Variants in FRMPD3 observed in about 807,000 individuals in gnomAD.
The protein encoded by FRMPD3 is FERM and PDZ domain-containing protein 3.
A neutral mutation model predicts 97.9 loss-of-function variants in FRMPD3; 42 were observed. The ratio of observed to expected loss-of-function variants is 0.43; its 90% CI spans 0.34 to 0.55. FRMPD3 has a LOEUF of 0.55. Among genes scored for constraint, FRMPD3 ranks in the 20% least tolerant of loss-of-function variants. The pLI, the probability that FRMPD3 is intolerant of heterozygous loss-of-function variation, is 0.03. For missense variants in FRMPD3, 1,303 were observed against 1,457.7 expected (o/e 0.89, Z 1.73); for synonymous variants, 577 against 581.1 (o/e 0.99, Z 0.10).
Position 107,600,914 on chromosome X carries a change from G to T in FRMPD3, c.2875G>T (p.Ala959Ser), listed in dbSNP as rs754571006. Residue 959 changes from alanine (A) to serine (S), a missense_variant, in exon 15 of 15, where the codon GCC becomes TCC. Physicochemically the swap from Ala to Ser is moderately conservative, Grantham distance 99. Transcript: ENST00000683843. The part of the protein sequence containing the change: ...SSVTPAIISA[A>S]LQQVVHNKSL... ...TGTGACCCCTGCCATCATCTCGGCCGCCCTACAGCAAGTGGTTCACAATAA... is the reference window on the plus strand; with the variant it reads ...TGTGACCCCTGCCATCATCTCGGCCTCCCTACAGCAAGTGGTTCACAATAA... 5.0e-6 allele frequency: 6 copies of T among 1,209,478 alleles called. No homozygotes were observed. Among genetic ancestry groups the T allele is most frequent in the Middle Eastern group, 2.3e-4 (1 of 4,348 alleles).
chrX:107,493,477 A>G (rs987513360), intron 1 of FRMPD3, among the ~76,000 whole-genome samples: 3 of 111,881 alleles, frequency 2.7e-5, no homozygotes, highest in Non-Finnish European at 5.6e-5. Context: ...CAGCCAAAGA[A>G]TATTGCAAGA....
intron 1 of FRMPD3, among the ~76,000 whole-genome samples, chrX:107,469,668 C>T (rs1161953587): frequency 8.9e-6 from 1 of 112,887 alleles, no homozygotes; most frequent in East Asian, 2.8e-4. Flanking sequence ...CACTTAGTGA[C>T]TGTGAACTTG....
chrX:107,454,488 A>G (rs1191043459), intron 1 of FRMPD3, among the ~76,000 whole-genome samples: 3 of 111,139 alleles, frequency 2.7e-5, no homozygotes, highest in Admixed American at 1.9e-4. Context: ...TTCTTTTACC[A>G]TAAGGCTTCT....
intron 13 of FRMPD3, among the ~76,000 whole-genome samples, chrX:107,588,830 C>G (rs1923777885): frequency 9.0e-6 from 1 of 111,164 alleles, no homozygotes; most frequent in Non-Finnish European, 1.9e-5. Context: ...GCAAGGTGGT[C>G]TTCAAACTCT....
intron 12 of FRMPD3, among the ~76,000 whole-genome samples, chrX:107,569,065 C>T (rs1438485373): frequency 1.8e-5 from 2 of 111,069 alleles, no homozygotes; most frequent in African/African-American, 3.3e-5. Context: ...GAGGCTGAGG[C>T]GGGCAGATCA....
chrX:107,475,353 T>C (rs1025602118), intron 1 of FRMPD3, among the ~76,000 whole-genome samples: 2 of 111,826 alleles, frequency 1.8e-5, no homozygotes, highest in Non-Finnish European at 3.8e-5. Context: ...GCGGTTCCTT[T>C]TTCCTCTGCC....
At chrX:107,599,559 G>A (rs1299051918) in intron 14 of FRMPD3, among the ~76,000 whole-genome samples, 1 of 111,960 alleles carries the variant, frequency 8.9e-6, no homozygotes, top group South Asian at 3.8e-4. Flanking sequence ...GACTGTAGGC[G>A]GGCCTGGCCA....
chrX:107,529,323 G>A (rs770849501), intron 2 of FRMPD3, among the ~76,000 whole-genome samples: 10 of 111,615 alleles, frequency 9.0e-5, no homozygotes, highest in African/African-American at 1.3e-4. Flanking sequence ...AGTAGCTCAC[G>A]TCTGTAATCC....
At chrX:107,554,704 G>A (rs1413466021) in intron 8 of FRMPD3, 200 bp downstream of exon 8, 8 of 435,796 alleles carry the variant, frequency 1.8e-5, no homozygotes, top group Admixed American at 4.1e-5. Context: ...GTGGCTCAAA[G>A]TCCTGTCTAT....
chrX:107,602,888 C>G lies in FRMPD3; in HGVS notation c.4849C>G (p.Pro1617Ala). 8.3e-7 allele frequency: 1 copy of G among 1,211,269 alleles called. No individual in the cohort carries two copies. The highest frequency in any genetic ancestry group is 1.1e-6 in the Non-Finnish European group (1 of 895,468). The change falls in exon 15 of 15, where the codon CCC becomes GCC. Residue 1617 changes from proline to alanine, a missense_variant. Pro to Ala is a conservative substitution (Grantham distance 27, BLOSUM62 -1). Around this residue, in one of 3 missense-constraint regions of FRMPD3, gnomAD observed 764 missense variants for 820.2 expected, o/e 0.93. Transcript: ENST00000683843. ...TGTGGCCAGCCCCGAGGCCCGTGCC[C>G]CCAAGCCCTATGTGTCTCAGATCTC... The part of the protein sequence containing the change: ...QCVASPEARA[P>A]KPYVSQISEY...
At chrX:107,453,715 C>G (rs751004627) in intron 1 of FRMPD3, among the ~76,000 whole-genome samples, 7 of 111,496 alleles carry the variant, frequency 6.3e-5, no homozygotes, top group African/African-American at 2.0e-4. Context: ...CTTTCCTCCC[C>G]TCAGCTGAGC....
chrX:107,511,024 G>A (rs1025184102), intron 1 of FRMPD3, among the ~76,000 whole-genome samples: 1 of 112,369 alleles, frequency 8.9e-6, no homozygotes, highest in Non-Finnish European at 1.9e-5. Context: ...TCTAGGCAAA[G>A]CGTTGAGATA....
intron 1 of FRMPD3, among the ~76,000 whole-genome samples, chrX:107,499,878 G>A (rs749047686): frequency 7.2e-5 from 8 of 111,207 alleles, no homozygotes; most frequent in Admixed American, 1.9e-4. Flanking sequence ...CCAACTCTGG[G>A]CCTGCCTCCA....
chrX:107,534,014 T>A (rs1442598250), intron 4 of FRMPD3, among the ~76,000 whole-genome samples: 1 of 112,148 alleles, frequency 8.9e-6, no homozygotes, highest in Non-Finnish European at 1.9e-5. Flanking sequence ...ACAAACAGAT[T>A]CATTTTTGTC....
chrX:107,492,441 G>C (rs1037684154), intron 1 of FRMPD3, among the ~76,000 whole-genome samples: 3 of 111,718 alleles, frequency 2.7e-5, no homozygotes, highest in Non-Finnish European at 3.8e-5. Context: ...CTGAGTGTGA[G>C]AGATTAATAG....
chrX:107,580,201 A>G (rs1280583671), intron 13 of FRMPD3, among the ~76,000 whole-genome samples: 1 of 112,081 alleles, frequency 8.9e-6, no homozygotes, highest in African/African-American at 3.2e-5. Context: ...ATTTTTTTCT[A>G]GTCAGTCTTC....
chrX:107,473,043 C>G (rs1038879159), intron 1 of FRMPD3, among the ~76,000 whole-genome samples: 1 of 112,270 alleles, frequency 8.9e-6, no homozygotes, highest in Non-Finnish European at 1.9e-5. Flanking sequence ...AATCAAAAAC[C>G]CTCTCTGAGT....
At chrX:107,481,186 G>A (rs764111936) in intron 1 of FRMPD3, among the ~76,000 whole-genome samples, 1 of 111,948 alleles carries the variant, frequency 8.9e-6, no homozygotes, top group Non-Finnish European at 1.9e-5. Flanking sequence ...TGATCTGTTG[G>A]CCATTTGAGG....
intron 13 of FRMPD3, among the ~76,000 whole-genome samples, chrX:107,587,510 G>T (rs920313838): frequency 3.6e-5 from 4 of 111,482 alleles, no homozygotes; most frequent in African/African-American, 1.3e-4. Context: ...ATCTGGTTAT[G>T]TTGGACACTA....
Sources: gnomAD v4.1 joint callset for allele counts (sites outside exome capture counted in the v4.1 genomes callset) on GRCh38, gnomAD v4.1.1 for gene constraint, gnomAD v4.1.1 regional missense constraint, MANE v1.5 for transcripts, NCBI Gene and HGNC (gene_info 2026-07-23, HGNC 2026-07-21) for gene names.